Variants in PARVB observed in about 807,000 individuals in gnomAD.
PARVB encodes the protein beta-parvin.
A neutral mutation model predicts 47.0 loss-of-function variants in PARVB; 46 were observed. The ratio of observed to expected loss-of-function variants is 0.98; its 90% CI spans 0.77 to 1.25. The LOEUF (loss-of-function observed/expected upper bound fraction) is 1.25. Among genes scored for constraint, PARVB ranks in the 50% most tolerant of loss-of-function variants. The pLI is 0.00. For synonymous variants in PARVB, 196 were observed against 196.3 expected, an observed-to-expected ratio of 1.00 and a Z score of 0.01; for missense variants, 473 against 471.6, an observed-to-expected ratio of 1.00 and a Z score of -0.03.
chr22:44,100,085 A>C lies in PARVB; in HGVS notation c.235A>C (p.Thr79Pro). 1 of 1,613,990 alleles carries C rather than the reference A, an allele frequency of 6.2e-7. No individual in the cohort carries two copies. The highest frequency in any genetic ancestry group is 8.5e-7 in the Non-Finnish European group (1 of 1,179,956). ...CGAGGAGCGCACGATGATTGACCCC[A>C]CTTCCAAGGAAGACCCCAAGTTCAA... The part of the protein sequence containing the change: ...ENEERTMIDP[T>P]SKEDPKFKEL... Residue 79 changes from threonine (T) to proline (P), a missense_variant, in exon 3 of 13, where the codon ACT becomes CCT. Physicochemically the swap from Thr to Pro is conservative, Grantham distance 38 (BLOSUM62 -1). Coordinates refer to ENST00000338758, the MANE Select transcript of PARVB (RefSeq NM_013327.5).
At chr22:44,066,814 C>CTCCTCT (rs2051543322) in intron 1 of PARVB, among the ~76,000 whole-genome samples, 1 of 149,146 alleles carries the variant, frequency 6.7e-6, no homozygotes, top group South Asian at 2.1e-4. Flanking sequence ...CCTCCTCCTC[C>CTCCTCT]TCCTCCTCTT....
chr22:44,007,408 G>A (rs1199301094), intron 2 of PARVB, among the ~76,000 whole-genome samples: 9 of 152,162 alleles, frequency 5.9e-5, no homozygotes, highest in Non-Finnish European at 1.2e-4. Context: ...ATTTCCAGTC[G>A]TGGGTCATGG....
rs558384755 is a variant in PARVB at position 44,078,978 on chromosome 22, C to T, written c.113-14950C>T. On this transcript the variant is annotated intron_variant, in intron 1 of 12. Transcript: ENST00000338758. ...TTGACCTAAGGTGATCCACCCGCCTCGGCCTCCCAAAGTGCTGGGATAACA... is the reference window on the plus strand; with the variant it reads ...TTGACCTAAGGTGATCCACCCGCCTTGGCCTCCCAAAGTGCTGGGATAACA... Among the ~76,000 whole-genome samples the T allele has an allele frequency of 6.6e-5, 10 of 152,342 alleles. No homozygotes were observed. In the South Asian group the frequency reaches 2.1e-3, roughly 32 times the overall value.
At position 44,004,622 on chromosome 22, in the gene PARVB, T is replaced by C. The variant is rs1048781049; in HGVS notation, c.211+4949T>C. 2.6e-5 allele frequency among the ~76,000 whole-genome samples: 4 copies of C among 152,342 alleles called. No homozygotes were observed. The East Asian group carries it at 7.7e-4, about 29-fold the overall frequency. ...TATAAGAAATGTAATGCTGTCTTTGTTTCTTGCTTCTGTAACTTGCTTCCC... is the reference window on the plus strand; with the variant it reads ...TATAAGAAATGTAATGCTGTCTTTGCTTCTTGCTTCTGTAACTTGCTTCCC... On this transcript the variant is annotated intron_variant, in intron 2 of 13. Transcript: ENST00000406477.
chr22:44,002,481 C>T (rs551507980), intron 2 of PARVB, among the ~76,000 whole-genome samples: 4 of 152,212 alleles, frequency 2.6e-5, no homozygotes, highest in Middle Eastern at 3.4e-3. Context: ...GTGCCTGGCA[C>T]GTGGTAGGAA....
At chr22:44,152,419 C>G (rs1170485355) in intron 10 of PARVB, 1 of 152,156 alleles carries the variant, frequency 6.6e-6, no homozygotes, top group Non-Finnish European at 1.5e-5. Context: ...ACCACTGTAT[C>G]TTTTTTTGGG....
chr22:44,047,968 T>C (rs1000698417), intron 1 of PARVB, among the ~76,000 whole-genome samples: 3 of 152,142 alleles, frequency 2.0e-5, no homozygotes, highest in African/African-American at 7.2e-5. Context: ...TGGGGCTGGA[T>C]GGTGTGGGAA....
chr22:44,117,715 T>C (rs1569130033), intron 3 of PARVB, among the ~76,000 whole-genome samples: 1 of 152,238 alleles, frequency 6.6e-6, no homozygotes, highest in Non-Finnish European at 1.5e-5. Flanking sequence ...ATATTGCAGG[T>C]TGCAGCTGTT....
At chr22:44,076,048 G>C (rs1027603855) in intron 1 of PARVB, among the ~76,000 whole-genome samples, 3 of 152,260 alleles carry the variant, frequency 2.0e-5, no homozygotes, top group African/African-American at 4.8e-5. Flanking sequence ...TGCTGAAGGG[G>C]GCAGGTGGGG....
At chr22:44,085,582 G>T (rs1404415727) in intron 1 of PARVB, among the ~76,000 whole-genome samples, 2 of 152,194 alleles carry the variant, frequency 1.3e-5, no homozygotes, top group Non-Finnish European at 2.9e-5. Flanking sequence ...GGGATTATAG[G>T]TGTGAGCCAC....
In PARVB at chr22:44,077,347, C is replaced by T. The variant is rs74414758; in HGVS notation, c.113-16581C>T. On this transcript the variant is annotated intron_variant, in intron 1 of 12. Coordinates refer to ENST00000338758, the MANE Select transcript of PARVB (RefSeq NM_013327.5). Reference sequence around the variant, plus strand: ...TTCTCCGTCTGTGTCTCTGTCCTCTCCTCTTCTTGTAAGGACGCCTGTCAT... The same window carrying T: ...TTCTCCGTCTGTGTCTCTGTCCTCTTCTCTTCTTGTAAGGACGCCTGTCAT... 5.9e-3 allele frequency among the ~76,000 whole-genome samples: 901 copies of T among 152,300 alleles called. 11 individuals carry two copies. The highest frequency in any genetic ancestry group is 0.02 in the African/African-American group (818 of 41,540).
intron 12 of PARVB, among the ~76,000 whole-genome samples, chr22:44,164,493 T>C (rs2054124745): frequency 6.6e-6 from 1 of 151,762 alleles, no homozygotes; most frequent in Non-Finnish European, 1.5e-5. Context: ...ACACACTTCC[T>C]AGGTGTTTGG....
chr22:44,148,021 A>G lies in PARVB; in HGVS notation c.774+99A>G, dbSNP rs553038537. On this transcript the variant is annotated intron_variant, in intron 9 of 12. Transcript: ENST00000338758. Reference sequence around the variant, plus strand: ...GGAAGAAGGTGGGAAAATGTTTGGAATCTCAGAAATGTTTGCCACATGGAT... The same window carrying G: ...GGAAGAAGGTGGGAAAATGTTTGGAGTCTCAGAAATGTTTGCCACATGGAT... 19 of 926,110 alleles carry G rather than the reference A, an allele frequency of 2.1e-5. No individual in the cohort carries two copies. In the African/African-American group the frequency reaches 2.7e-4, roughly 13 times the overall value. 57.4% of individuals were successfully genotyped at this position (926,110 alleles called of 1,614,324 possible).
chr22:44,029,196 G>A (rs1286771812), intron 1 of PARVB, among the ~76,000 whole-genome samples: 2 of 152,038 alleles, frequency 1.3e-5, no homozygotes, highest in Non-Finnish European at 1.5e-5. Flanking sequence ...TGTTACCCAG[G>A]CTGCTCTCAA....
intron 1 of PARVB, among the ~76,000 whole-genome samples, chr22:44,038,716 A>T (rs1260543849): frequency 6.6e-6 from 1 of 152,160 alleles, no homozygotes; most frequent in African/African-American, 2.4e-5. Flanking sequence ...CAGGAGGTGG[A>T]CGTTGCAGTG....
At chr22:44,019,581 C>T (rs190421170), upstream of PARVB, among the ~76,000 whole-genome samples, 2 of 152,324 alleles carry the variant, frequency 1.3e-5, no homozygotes, top group East Asian at 3.9e-4. Context: ...GCTGCACAAG[C>T]AGCATGGCAC....
chr22:44,057,459 G>A (rs888147053), intron 1 of PARVB, among the ~76,000 whole-genome samples: 1 of 152,126 alleles, frequency 6.6e-6, no homozygotes, highest in Admixed American at 6.5e-5. Context: ...CAAGAGCGAG[G>A]CCCGAGGAGA....
rs1026989287 is a variant in PARVB at position 44,122,510 on chromosome 22, G to C, written c.376+3370G>C. Among the ~76,000 whole-genome samples, 53 of 91,422 alleles carry C rather than the reference G, an allele frequency of 5.8e-4. 2 individuals are homozygous for C. The highest frequency in any genetic ancestry group is 3.4e-3 in the African/African-American group (52 of 15,312). The allele number at this position is 91,422 out of a possible 152,430, so 60.0% of individuals were successfully genotyped here. On this transcript the variant is annotated intron_variant, in intron 4 of 12. Coordinates refer to ENST00000338758, the MANE Select transcript of PARVB (RefSeq NM_013327.5). Reference sequence around the variant, plus strand: ...ATCAAGAGAGAGAGAGAGAGAGAGAGAGAGAGAGACAGAGAGACAGAGAGA... The same window carrying C: ...ATCAAGAGAGAGAGAGAGAGAGAGACAGAGAGAGACAGAGAGACAGAGAGA...
At chr22:44,029,293 T>C (rs2050783538) in intron 1 of PARVB, among the ~76,000 whole-genome samples, 1 of 152,222 alleles carries the variant, frequency 6.6e-6, no homozygotes, top group Non-Finnish European at 1.5e-5. Flanking sequence ...CCTTGGCCTA[T>C]TTTTAAATCT....
Sources: allele counts gnomAD v4.1 joint callset (sites outside exome capture counted in the v4.1 genomes callset), GRCh38; gene constraint gnomAD v4.1.1; transcripts MANE v1.5; gene names NCBI Gene and HGNC (gene_info 2026-07-23, HGNC 2026-07-21).